The following KIF26B variants were observed in gnomAD, a reference collection of about 807,000 sequenced individuals.
The protein encoded by KIF26B is kinesin family member 26B, also known as kinesin-like protein KIF26B.
Under a neutral mutation model 151.2 loss-of-function variants are expected in KIF26B, and 63 were observed. That is an observed-to-expected ratio of 0.42 (90% CI 0.34 to 0.51). The LOEUF is 0.51. Among genes scored for constraint, KIF26B ranks in the 20% least tolerant of loss-of-function variants. KIF26B has a pLI of 0.07. For synonymous variants in KIF26B, 1,357 were observed against 1,262.1 expected (o/e 1.08, Z -1.59); for missense variants, 2,813 against 2,913.6 (o/e 0.97, Z 0.79).
chr1:245,383,310 A>G (rs921010684), intron 3 of KIF26B, among the ~76,000 whole-genome samples: 1 of 152,088 alleles, frequency 6.6e-6, no homozygotes, highest in Non-Finnish European at 1.5e-5. Flanking sequence ...TGAATTTAGA[A>G]AACCGAGGCA....
At chr1:245,336,786 G>A (rs1056824796) in intron 2 of KIF26B, among the ~76,000 whole-genome samples, 6 of 152,176 alleles carry the variant, frequency 3.9e-5, no homozygotes, top group African/African-American at 1.4e-4. Context: ...AACTGAAAAT[G>A]CAACTTCATT....
chr1:245,265,733 T>C (rs1038235820), intron 2 of KIF26B, among the ~76,000 whole-genome samples: 1 of 152,012 alleles, frequency 6.6e-6, no homozygotes, highest in African/African-American at 2.4e-5. Flanking sequence ...GGACTGAGAC[T>C]AGCTGGGGCT....
intron 5 of KIF26B, among the ~76,000 whole-genome samples, chr1:245,577,404 C>T (rs1219564934): frequency 1.3e-5 from 2 of 152,214 alleles, no homozygotes; most frequent in African/African-American, 4.8e-5. Context: ...GGTTGGGCAA[C>T]AGAATTAAGC....
At chr1:245,261,392 A>G (rs1670635274) in intron 2 of KIF26B, among the ~76,000 whole-genome samples, 1 of 151,108 alleles carries the variant, frequency 6.6e-6, no homozygotes, top group South Asian at 2.1e-4. Flanking sequence ...TGGCCTCCCA[A>G]AGTGCTGGGA....
chr1:245,524,643 A>G (rs1356627267), intron 4 of KIF26B, among the ~76,000 whole-genome samples: 1 of 152,196 alleles, frequency 6.6e-6, no homozygotes, highest in Non-Finnish European at 1.5e-5. Context: ...TTTTTTGTAA[A>G]TGCTTCTATG....
At position 245,166,691 on chromosome 1, in the gene KIF26B, C is replaced by T. The variant is rs1190933816; in HGVS notation, c.465+10008C>T. Among the ~76,000 whole-genome samples, 2 of 152,208 alleles carry T rather than the reference C, an allele frequency of 1.3e-5. No homozygotes were observed. Among genetic ancestry groups the T allele is most frequent in the Non-Finnish European group, 2.9e-5 (2 of 68,046 alleles). On this transcript the variant is annotated intron_variant, in intron 2 of 14. Transcript: ENST00000407071. The surrounding 1 kb of genome is among the most constrained non-coding windows in gnomAD (Gnocchi z 4.5). ...CCAGGAATTTGGGCTTATCTGCCTT[C>T]CAATCCAGCTTTATCTGTCTCAGAC... is the stretch of plus-strand genomic sequence containing the variant.
intron 4 of KIF26B, among the ~76,000 whole-genome samples, chr1:245,485,484 T>C (rs774654069): frequency 6.6e-6 from 1 of 151,188 alleles, no homozygotes; most frequent in Non-Finnish European, 1.5e-5. Context: ...CCCAGGCTCA[T>C]GTGATTCTCC....
intron 11 of KIF26B, among the ~76,000 whole-genome samples, chr1:245,685,094 C>T (rs1288127628): frequency 4.6e-5 from 7 of 152,254 alleles, no homozygotes; most frequent in East Asian, 3.9e-4. Context: ...CAGAGTTCCA[C>T]GGCACAGGGT....
At chr1:245,353,059 A>G (rs1398079582) in intron 2 of KIF26B, among the ~76,000 whole-genome samples, 1 of 152,198 alleles carries the variant, frequency 6.6e-6, no homozygotes, top group Non-Finnish European at 1.5e-5. Context: ...ATATGAATTG[A>G]TTGATTCAAA....
Position 245,404,865 on chromosome 1 carries a change from T to C in KIF26B, c.1000-14714T>C, listed in dbSNP as rs1674095952. On this transcript the variant is annotated intron_variant, in intron 3 of 14. Coordinates refer to ENST00000407071, the MANE Select transcript of KIF26B (RefSeq NM_018012.4). ...AATCCAACAACAGCAAAAAAAGAATTTGGAGTTTAGTTTTGTATCTTCTGA... is the reference window on the plus strand; with the variant it reads ...AATCCAACAACAGCAAAAAAAGAATCTGGAGTTTAGTTTTGTATCTTCTGA... Among the ~76,000 whole-genome samples the C allele has an allele frequency of 2.6e-5, 4 of 152,156 alleles. 1 individual carries two copies. The South Asian group carries it at 8.3e-4, about 32-fold the overall frequency.
chr1:245,435,002 TCC>T (rs2103043650), intron 4 of KIF26B, among the ~76,000 whole-genome samples: 1 of 149,080 alleles, frequency 6.7e-6, no homozygotes, highest in Non-Finnish European at 1.5e-5. Flanking sequence ...CATCCATCCA[TCC>T]ATCCATCCAT....
chr1:245,271,559 A>G (rs1038026685), intron 2 of KIF26B, among the ~76,000 whole-genome samples: 1 of 151,194 alleles, frequency 6.6e-6, no homozygotes, highest in African/African-American at 2.4e-5. Context: ...TTATAATGAA[A>G]GGATGTTGAA....
chr1:245,697,532 C>A (rs1436445940), intron 12 of KIF26B, among the ~76,000 whole-genome samples: 1 of 152,074 alleles, frequency 6.6e-6, no homozygotes, highest in Non-Finnish European at 1.5e-5. Context: ...GAGGATGCCC[C>A]CTAGGCTGCG....
rs555472083 is a variant in KIF26B, at chr1:245,526,116, A to G, written c.1167-14651A>G. On this transcript the variant is annotated intron_variant, in intron 4 of 14. Coordinates refer to ENST00000407071, the MANE Select transcript of KIF26B (RefSeq NM_018012.4). ...CAATTAACTAGAAAATTTGAACTAAATCTTCCTGAAGATTTCTTCTCTATT... is the reference window on the plus strand; with the variant it reads ...CAATTAACTAGAAAATTTGAACTAAGTCTTCCTGAAGATTTCTTCTCTATT... Among the ~76,000 whole-genome samples, 33 of 152,222 alleles carry G rather than the reference A, an allele frequency of 2.2e-4. 2 individuals are homozygous for G. The South Asian group carries it at 6.6e-3, about 31-fold the overall frequency.
chr1:245,569,767 G>C (rs950667490), intron 5 of KIF26B, among the ~76,000 whole-genome samples: 6 of 151,778 alleles, frequency 4.0e-5, no homozygotes, highest in Non-Finnish European at 8.8e-5. Flanking sequence ...ACTACAGCCT[G>C]GGTGACAGAG....
At chr1:245,216,063 A>T (rs1321564725) in intron 2 of KIF26B, 1 of 149,546 alleles carries the variant, frequency 6.7e-6, no homozygotes, top group Non-Finnish European at 1.5e-5. Context: ...CCTTGTCTCT[A>T]AAAAAAAAAT....
intron 2 of KIF26B, among the ~76,000 whole-genome samples, chr1:245,237,275 G>A (rs1016347659): frequency 2.0e-5 from 3 of 152,154 alleles, no homozygotes; most frequent in African/African-American, 4.8e-5. Flanking sequence ...CTTAGACTAC[G>A]ACTTAGAGCA....
intron 2 of KIF26B, among the ~76,000 whole-genome samples, chr1:245,351,057 T>C (rs1309521044): frequency 2.0e-5 from 3 of 152,180 alleles, no homozygotes; most frequent in African/African-American, 7.2e-5. Context: ...ACACAAGACA[T>C]GGATCTTACT....
intron 2 of KIF26B, among the ~76,000 whole-genome samples, chr1:245,288,837 G>A (rs1459675786): frequency 1.3e-5 from 2 of 152,050 alleles, no homozygotes; most frequent in Non-Finnish European, 2.9e-5. Context: ...AGACTTCATG[G>A]CAATTGAATA....
Sources: allele counts gnomAD v4.1 joint callset (sites outside exome capture counted in the v4.1 genomes callset), GRCh38; gene constraint gnomAD v4.1.1; non-coding constraint Gnocchi (gnomAD v3.1); transcripts MANE v1.5; gene names NCBI Gene and HGNC (gene_info 2026-07-23, HGNC 2026-07-21).